Variants in NYX observed in about 807,000 individuals in gnomAD.
NYX encodes nyctalopin, also known as leucine-rich repeat protein.
For missense variants in NYX, 481 were observed against 485.4 expected, an observed-to-expected ratio of 0.99 and a Z score of 0.09; for synonymous variants, 258 against 245.7, an observed-to-expected ratio of 1.05 and a Z score of -0.47.
Position 41,447,646 on chromosome X carries a change from T to C in NYX, c.-57+130T>C. On this transcript the variant is annotated intron_variant, in intron 1 of 2. Transcript: ENST00000378220. Reference sequence around the variant, plus strand: ...GGCTGTAGCCTGACAAAGGGTTTCCTAATAGATCCAAACTGTCCATTTGTG... The same window carrying C: ...GGCTGTAGCCTGACAAAGGGTTTCCCAATAGATCCAAACTGTCCATTTGTG... 3 of 429,838 alleles carry C rather than the reference T, an allele frequency of 7.0e-6. No homozygotes were observed. The East Asian group carries it at 1.2e-4, about 17-fold the overall frequency. The allele number at this position is 429,838 out of a possible 1,213,427, so 35.4% of individuals were successfully genotyped here.
chrX:41,460,303 G>A (rs2064313669), intron 2 of NYX, among the ~76,000 whole-genome samples: 1 of 109,902 alleles, frequency 9.1e-6, no homozygotes, highest in Non-Finnish European at 1.9e-5. Flanking sequence ...GAGTAGCTGG[G>A]ATTACAGGCA....
chrX:41,472,550 T>C lies in NYX; in HGVS notation c.23-941T>C, dbSNP rs183836343. On this transcript the variant is annotated intron_variant, in intron 2 of 2. Transcript: ENST00000378220. Reference sequence around the variant, plus strand: ...CTCCTGGATTTCAAGAACCTCTGACTACAGGGGGGCTCTGCGTCCATCAGG... The same window carrying C: ...CTCCTGGATTTCAAGAACCTCTGACCACAGGGGGGCTCTGCGTCCATCAGG... 6.7e-4 allele frequency: 371 copies of C among 554,508 alleles called. 3 individuals are homozygous for C. In the East Asian group the frequency reaches 0.012, roughly 18 times the overall value. 45.7% of individuals were successfully genotyped at this position (554,508 alleles called of 1,213,427 possible).
At chrX:41,471,833 AT>A (rs61276668) in intron 2 of NYX, among the ~76,000 whole-genome samples, 5,474 of 101,592 alleles carry the variant, frequency 0.054, 153 homozygotes, top group Middle Eastern at 0.071. Flanking sequence ...ATATATATGT[AT>A]TTTTTTTTTT....
chrX:41,465,647 A>G (rs770333270), intron 2 of NYX, among the ~76,000 whole-genome samples: 60 of 101,722 alleles, frequency 5.9e-4, no homozygotes, highest in Non-Finnish European at 1.1e-3. Flanking sequence ...CCCCCCGAGT[A>G]GCTGGGACTA....
intron 2 of NYX, among the ~76,000 whole-genome samples, chrX:41,460,963 G>A (rs1196274463): frequency 1.2e-5 from 1 of 82,438 alleles, no homozygotes; most frequent in Non-Finnish European, 2.2e-5. Flanking sequence ...CCATGTTGCA[G>A]GTATCAATAG....
Position 41,453,540 on chromosome X carries a change from C to T in NYX, c.22+5614C>T, listed in dbSNP as rs188628604. Among the ~76,000 whole-genome samples the T allele has an allele frequency of 4.7e-3, 516 of 109,014 alleles. 1 individual carries two copies. The highest frequency in any genetic ancestry group is 6.9e-3 in the Non-Finnish European group (364 of 52,450). 94.7% of individuals were successfully genotyped at this position (109,014 alleles called of 115,157 possible). ...GTACGATCTCTGCTCACTGCAACCT[C>T]CGCCTCCCAGGTTCAAGCTATTCTC... On this transcript the variant is annotated intron_variant, in intron 2 of 2. Coordinates refer to ENST00000378220, the MANE Select transcript of NYX (RefSeq NM_001378477.3).
chrX:41,469,066 C>G (rs2064350395), intron 2 of NYX, among the ~76,000 whole-genome samples: 1 of 111,418 alleles, frequency 9.0e-6, no homozygotes, highest in South Asian at 3.8e-4. Context: ...AACTGAGGGG[C>G]TGTTCAAAGG....
intron 2 of NYX, among the ~76,000 whole-genome samples, chrX:41,460,968 C>T (rs2064317251): frequency 2.7e-5 from 2 of 74,308 alleles, no homozygotes; most frequent in South Asian, 8.0e-4. Flanking sequence ...TTGCAGGTAT[C>T]AATAGTCATT....
chrX:41,453,026 T>C (rs956483154), intron 2 of NYX, among the ~76,000 whole-genome samples: 2 of 112,223 alleles, frequency 1.8e-5, no homozygotes, highest in African/African-American at 6.5e-5. Context: ...CTAAATAGAT[T>C]TTGCTGAAAC....
At chrX:41,448,552 CTTTTCTTTTCT>C (rs1373526707) in intron 2 of NYX, among the ~76,000 whole-genome samples, 4 of 97,718 alleles carry the variant, frequency 4.1e-5, no homozygotes, top group African/African-American at 1.5e-4. Flanking sequence ...TTTTTCTTTT[CTTTTCTTTTCT>C]TTTTTTTTTT....
At chrX:41,472,195 C>G (rs933733424) in intron 2 of NYX, 2 of 601,141 alleles carry the variant, frequency 3.3e-6, no homozygotes, top group Non-Finnish European at 5.1e-6. Context: ...GTTCCTGGCT[C>G]GGGAACATTG....
At chrX:41,473,111 T>G (rs1425696946) in intron 2 of NYX, among the ~76,000 whole-genome samples, 17 of 111,942 alleles carry the variant, frequency 1.5e-4, no homozygotes, top group African/African-American at 5.5e-4. Context: ...TTTTAATATT[T>G]AACTTAACCA....
chrX:41,475,168 G>A lies in NYX; in HGVS notation c.*269G>A, dbSNP rs1303251886. ...CGGGTGGGAAGACTAGGAATCGGAA[G>A]CTTCTAGGGCTTCACATCCCTTCCC... On this transcript the variant is annotated 3_prime_UTR_variant, in exon 3 of 3. Coordinates refer to ENST00000378220, the MANE Select transcript of NYX (RefSeq NM_001378477.3). 1 of 397,016 alleles carries A rather than the reference G, an allele frequency of 2.5e-6. No homozygotes were observed. Among genetic ancestry groups the A allele is most frequent in the African/African-American group, 2.5e-5 (1 of 39,610 alleles). 32.7% of individuals were successfully genotyped at this position (397,016 alleles called of 1,213,427 possible). A position where few individuals can be genotyped will look rare whatever the true frequency, so the allele number is the denominator to read the frequency against.
intron 2 of NYX, among the ~76,000 whole-genome samples, chrX:41,453,596 C>T (rs767245669): frequency 1.2e-3 from 133 of 109,956 alleles, no homozygotes; most frequent in African/African-American, 4.2e-3. Flanking sequence ...GCTGGGACTA[C>T]AGGCATGCAC....
intron 2 of NYX, 126 bp from the exon 3 acceptor site, chrX:41,473,365 C>T (rs2064370033): frequency 5.9e-5 from 46 of 778,599 alleles, no homozygotes; most frequent in Non-Finnish European, 7.1e-5. Flanking sequence ...CAAGATAACT[C>T]GGTGGAGGGC....
chrX:41,464,148 C>CTT (rs141248938), intron 2 of NYX, among the ~76,000 whole-genome samples: 84 of 98,571 alleles, frequency 8.5e-4, no homozygotes, highest in East Asian at 3.5e-3. Context: ...TAATCCCATT[C>CTT]TTTTTTTTTT....
At chrX:41,463,928 G>T (rs1474206813) in intron 2 of NYX, among the ~76,000 whole-genome samples, 1 of 111,497 alleles carries the variant, frequency 9.0e-6, no homozygotes, top group South Asian at 3.7e-4. Flanking sequence ...ATTCCTTCTT[G>T]TAGACCTAAT....
Position 41,473,939 on chromosome X carries a change from C to T in NYX, c.471C>T (p.Arg157=), listed in dbSNP as rs1289961382. ...TCCTGGCCGAACTGCCGGCCCTGCG[C>T]GAACTCGCCGCCTTCGACAACCTGT... The part of the protein sequence containing the change: ...ERLLAELPAL[R]ELAAFDNLFR... Residue 157 remains arginine, a synonymous_variant, in exon 3 of 3, where the codon CGC becomes CGT. Transcript: ENST00000378220. 5.4e-6 allele frequency: 6 copies of T among 1,105,226 alleles called. No individual in the cohort carries two copies. The highest frequency in any genetic ancestry group is 4.7e-6 in the Non-Finnish European group (4 of 849,651). 91.1% of individuals were successfully genotyped at this position (1,105,226 alleles called of 1,213,427 possible).
In NYX at chrX:41,474,710, G is replaced by T. The variant is rs1417578979; in HGVS notation, c.1242G>T (p.Lys414Asn). The T allele has an allele frequency of 4.2e-6, 5 of 1,198,407 alleles. No individual in the cohort carries two copies. The highest frequency in any genetic ancestry group is 2.3e-5 in the Admixed American group (1 of 44,284). ...GCAGGTTCAGCAGCCTCCTCTCCAA[G>T]CTGCTGGCCCCGAGGGTCCCGGTGG... ...TVSRFSSLLS[K>N]LLAPRVPVEE... is the part of the protein sequence containing the mutation. Residue 414 changes from lysine to asparagine, a missense_variant, in exon 3 of 3, where the codon AAG (lysine) becomes AAT (asparagine). By Grantham distance (94) the Lys-to-Asn change is moderately conservative (BLOSUM62 0). Transcript: ENST00000378220.
Sources: allele counts gnomAD v4.1 joint callset (sites outside exome capture counted in the v4.1 genomes callset), GRCh38; gene constraint gnomAD v4.1.1; transcripts MANE v1.5; gene names NCBI Gene and HGNC (gene_info 2026-07-23, HGNC 2026-07-21).